Variants in HPCAL1 observed in about 807,000 individuals in gnomAD.
The protein encoded by HPCAL1 is hippocalcin-like protein 1.
HPCAL1 carries 8 observed loss-of-function variants against 17.1 expected under a neutral mutation model. The observed-to-expected ratio is 0.47, with a 90% CI of 0.27 to 0.84. HPCAL1 has a LOEUF of 0.84. Ranked by LOEUF, HPCAL1 falls within the 40% of genes least tolerant of loss-of-function variation. The pLI is 0.13. For missense variants in HPCAL1, 165 were observed against 271.1 expected, an observed-to-expected ratio of 0.61 and a Z score of 2.75; for synonymous variants, 112 against 111.4, an observed-to-expected ratio of 1.01 and a Z score of -0.03.
intron 2 of HPCAL1, among the ~76,000 whole-genome samples, chr2:10,405,891 G>T (rs1158970827): frequency 2.6e-5 from 4 of 152,364 alleles, no homozygotes; most frequent in South Asian, 4.1e-4. Context: ...CAGTCAGCTT[G>T]CAGTATGCGC....
chr2:10,383,076 T>G (rs1157098854), intron 1 of HPCAL1, among the ~76,000 whole-genome samples: 1 of 152,146 alleles, frequency 6.6e-6, no homozygotes, highest in Non-Finnish European at 1.5e-5. Context: ...CTGCAACTAG[T>G]CAAAAGGTGA....
chr2:10,340,496 TAGCTTTGAG>T (rs1665009034), intron 1 of HPCAL1, among the ~76,000 whole-genome samples: 1 of 152,196 alleles, frequency 6.6e-6, no homozygotes, highest in African/African-American at 2.4e-5. Flanking sequence ...TAGGAATAGG[TAGCTTTGAG>T]AGGTCATCTG....
intron 1 of HPCAL1, among the ~76,000 whole-genome samples, chr2:10,312,776 G>A (rs572574881): frequency 2.4e-4 from 36 of 148,738 alleles, no homozygotes; most frequent in African/African-American, 7.7e-4. Flanking sequence ...CACCATCATC[G>A]TCATTATCAT....
At position 10,304,830 on chromosome 2, in the gene HPCAL1, C is replaced by G. The variant is rs763936155; in HGVS notation, c.-111+1653C>G. On this transcript the variant is annotated intron_variant, in intron 1 of 4. Transcript: ENST00000307845. The surrounding 1 kb of genome is among the most constrained non-coding windows in gnomAD (Gnocchi z 4.1). ...CAAGGGAGCCAAGATCTCACCAGTG[C>G]AGGAGGCTCTCAAAATGGAGCGCCG... Among the ~76,000 whole-genome samples the G allele has an allele frequency of 3.0e-4, 46 of 152,192 alleles. No individual in the cohort carries two copies. Among genetic ancestry groups the G allele is most frequent in the Non-Finnish European group, 5.7e-4 (39 of 68,030 alleles).
chr2:10,399,241 TCACCACCACCAC>T (rs1558517511), intron 2 of HPCAL1, among the ~76,000 whole-genome samples: 2 of 12,056 alleles, frequency 1.7e-4, no homozygotes, highest in Non-Finnish European at 4.1e-4. Context: ...ACCACCACCA[TCACCACCACCAC>T]CACCACCATC....
At position 10,396,839 on chromosome 2, in the gene HPCAL1, A is replaced by G. The variant is rs1669068572; in HGVS notation, c.-106A>G. On this transcript the variant is annotated 5_prime_UTR_variant, in exon 2 of 5. An upstream start codon of the reference 5' UTR is lost. Coordinates refer to ENST00000307845, the MANE Select transcript of HPCAL1 (RefSeq NM_002149.4). ...CCTGTCGCTCTTCTCTTCCAGGGGC[A>G]TGGTCTAGTGGCCCAGTCAGGACGC... 6.6e-6 allele frequency: 1 copy of G among 152,290 alleles called. No homozygotes were observed. The highest frequency in any genetic ancestry group is 2.1e-4 in the South Asian group (1 of 4,826). The allele number at this position is 152,290 out of a possible 1,614,324, so 9.4% of individuals were successfully genotyped here.
In HPCAL1 at chr2:10,304,225, T is replaced by C. The variant is rs191681615; in HGVS notation, c.-111+1048T>C. On this transcript the variant is annotated intron_variant, in intron 1 of 4. Coordinates refer to ENST00000307845, the MANE Select transcript of HPCAL1 (RefSeq NM_002149.4). This position sits in a 1 kb window ranked among gnomAD's most constrained non-coding sequence, Gnocchi z 4.1. ...TCCCGCGCAAGCGTGGGGGTCCCTC[T>C]CCTGGCCGGGAGGCAGCGACTGCGG... 5.3e-5 allele frequency among the ~76,000 whole-genome samples: 8 copies of C among 151,812 alleles called. No individual in the cohort carries two copies. The highest frequency in any genetic ancestry group is 1.0e-4 in the Non-Finnish European group (7 of 67,902).
chr2:10,356,417 G>A lies in HPCAL1; in HGVS notation c.-110-40418G>A, dbSNP rs562798907. The stretch of plus-strand genomic sequence containing the variant: ...GAAGGACAGACTGGGGTAAAAGCAA[G>A]AGGAGAAGCTTGAGGGAGGACGGTG... On this transcript the variant is annotated intron_variant, in intron 1 of 4. Coordinates refer to ENST00000307845, the MANE Select transcript of HPCAL1 (RefSeq NM_002149.4). Among the ~76,000 whole-genome samples the A allele has an allele frequency of 6.3e-3, 952 of 152,280 alleles. 8 individuals are homozygous for A. Among genetic ancestry groups the A allele is most frequent in the Non-Finnish European group, 0.01 (686 of 68,006 alleles).
At chr2:10,410,612 G>A (rs541252476) in intron 2 of HPCAL1, among the ~76,000 whole-genome samples, 10 of 152,030 alleles carry the variant, frequency 6.6e-5, no homozygotes, top group South Asian at 4.1e-4. Context: ...AGTTTGATCC[G>A]AGCCTTGCTT....
chr2:10,347,374 C>T (rs1665538573), intron 1 of HPCAL1, among the ~76,000 whole-genome samples: 1 of 152,194 alleles, frequency 6.6e-6, no homozygotes, highest in South Asian at 2.1e-4. Context: ...ACTTGGCTCA[C>T]AGGAATTTCC....
At chr2:10,379,762 G>T (rs571996372) in intron 1 of HPCAL1, among the ~76,000 whole-genome samples, 208 of 152,330 alleles carry the variant, frequency 1.4e-3, no homozygotes, top group Non-Finnish European at 2.4e-3. Context: ...ATTTCACAGG[G>T]TTAAAGGCAG....
chr2:10,327,398 G>A (rs576363183), intron 1 of HPCAL1, among the ~76,000 whole-genome samples: 15 of 152,314 alleles, frequency 9.8e-5, no homozygotes, highest in Admixed American at 2.6e-4. Context: ...AGTGGCTAGC[G>A]TCAGGTGGGG....
chr2:10,318,641 T>C (rs1032593065), intron 1 of HPCAL1, among the ~76,000 whole-genome samples: 1 of 152,140 alleles, frequency 6.6e-6, no homozygotes, highest in Non-Finnish European at 1.5e-5. Flanking sequence ...TGGCAAAGGA[T>C]GCTGTGATCT....
chr2:10,374,065 C>T (rs112255037), intron 1 of HPCAL1, among the ~76,000 whole-genome samples: 15 of 152,286 alleles, frequency 9.8e-5, no homozygotes, highest in Admixed American at 7.8e-4. Flanking sequence ...CTGGCCCGGC[C>T]CGCCTGCTTC....
chr2:10,364,434 C>T (rs1051693991), intron 1 of HPCAL1, among the ~76,000 whole-genome samples: 2 of 152,172 alleles, frequency 1.3e-5, no homozygotes, highest in African/African-American at 2.4e-5. Context: ...ACCTGGAATG[C>T]GATGGCCAGG....
intron 2 of HPCAL1, among the ~76,000 whole-genome samples, chr2:10,413,759 G>A (rs1274497413): frequency 3.3e-5 from 5 of 152,252 alleles, no homozygotes; most frequent in Non-Finnish European, 7.3e-5. Context: ...GGATCGGTAA[G>A]AACATAAATC....
In HPCAL1 at chr2:10,359,195, G is replaced by A. The variant is rs1427975716; in HGVS notation, c.-110-37640G>A. ...CGTTTCACAGCCACAGTTTCCTGCTGTTTTCTGAAATTCCTGGTGGCCACT... is the reference window on the plus strand; with the variant it reads ...CGTTTCACAGCCACAGTTTCCTGCTATTTTCTGAAATTCCTGGTGGCCACT... On this transcript the variant is annotated intron_variant, in intron 1 of 4. Transcript: ENST00000307845. This position sits in a 1 kb window ranked among gnomAD's most constrained non-coding sequence, Gnocchi z 4.1. 2.6e-5 allele frequency among the ~76,000 whole-genome samples: 4 copies of A among 152,182 alleles called. No individual in the cohort carries two copies. Among genetic ancestry groups the A allele is most frequent in the Non-Finnish European group, 4.4e-5 (3 of 68,034 alleles).
rs1272774196 is a variant in HPCAL1 at position 10,423,244 on chromosome 2, G to A, written c.484+156G>A. 4.6e-6 allele frequency: 3 copies of A among 648,660 alleles called. No homozygotes were observed. The African/African-American group carries it at 5.4e-5, about 12-fold the overall frequency. 40.2% of individuals were successfully genotyped at this position (648,660 alleles called of 1,614,324 possible). On this transcript the variant is annotated intron_variant, in intron 4 of 4. Coordinates refer to ENST00000307845, the MANE Select transcript of HPCAL1 (RefSeq NM_002149.4). ...CGCCTGCCATGCCCAGGGAAGAGCG[G>A]GATGCAGTCAGGGACACCCGTGCTG...
intron 1 of HPCAL1, among the ~76,000 whole-genome samples, chr2:10,337,039 C>A (rs906196699): frequency 9.9e-5 from 15 of 152,170 alleles, no homozygotes; most frequent in Non-Finnish European, 2.9e-5. Flanking sequence ...AGGTGTGAGC[C>A]ACTGGACCCG....
Sources: allele counts gnomAD v4.1 joint callset (sites outside exome capture counted in the v4.1 genomes callset), GRCh38; gene constraint gnomAD v4.1.1; non-coding constraint Gnocchi (gnomAD v3.1); transcripts MANE v1.5; gene names NCBI Gene and HGNC (gene_info 2026-07-23, HGNC 2026-07-21).